The following SDK1 variants were observed in gnomAD, a reference collection of about 807,000 sequenced individuals.
SDK1 encodes protein sidekick-1.
SDK1 carries 157 observed loss-of-function variants against 245.5 expected under a neutral mutation model. That is an observed-to-expected ratio of 0.64 (90% CI 0.56 to 0.73). The LOEUF is 0.73. Among genes scored for constraint, SDK1 ranks in the 30% least tolerant of loss-of-function variants. SDK1 has a pLI of 0.00. For synonymous variants in SDK1, 1,647 were observed against 1,278.5 expected, an observed-to-expected ratio of 1.29 and a Z score of -6.15; for missense variants, 3,583 against 3,002.3, an observed-to-expected ratio of 1.19 and a Z score of -4.52.
At chr7:4,177,935 A>G (rs1782324299) in intron 34 of SDK1, among the ~76,000 whole-genome samples, 1 of 152,094 alleles carries the variant, frequency 6.6e-6, no homozygotes, top group Non-Finnish European at 1.5e-5. Flanking sequence ...CCCTATTGGG[A>G]ACAGCACGTG....
intron 1 of SDK1, among the ~76,000 whole-genome samples, chr7:3,417,610 C>T (rs986874044): frequency 1.1e-4 from 16 of 152,172 alleles, no homozygotes; most frequent in Non-Finnish European, 1.2e-4. Flanking sequence ...CTCTGTGTTT[C>T]CCTTTTGTAA....
At chr7:3,566,720 CAAAAAAA>C (rs908670320) in intron 1 of SDK1, among the ~76,000 whole-genome samples, 3 of 72,598 alleles carry the variant, frequency 4.1e-5, no homozygotes, top group Non-Finnish European at 9.0e-5. Context: ...AAACTACTGC[CAAAAAAA>C]AAAAAAAAAA....
chr7:3,615,398 A>T (rs1242988213), intron 1 of SDK1, among the ~76,000 whole-genome samples: 1 of 151,696 alleles, frequency 6.6e-6, no homozygotes, highest in Non-Finnish European at 1.5e-5. Flanking sequence ...GTTGATATAC[A>T]GCTTAACGCA....
chr7:3,502,547 C>G (rs753242167), intron 1 of SDK1, among the ~76,000 whole-genome samples: 18 of 152,216 alleles, frequency 1.2e-4, no homozygotes, highest in Non-Finnish European at 2.6e-4. Flanking sequence ...CCATTCCCAG[C>G]CAGGATGATT....
chr7:3,926,560 C>T (rs1779776778), intron 5 of SDK1, among the ~76,000 whole-genome samples: 1 of 152,012 alleles, frequency 6.6e-6, no homozygotes, highest in Admixed American at 6.6e-5. Context: ...TCTTTGGGCG[C>T]AGGTGATCCT....
Position 4,114,093 on chromosome 7 carries a change from G to A in SDK1, c.3642G>A (p.Lys1214=). 1 of 1,614,244 alleles carries A rather than the reference G, an allele frequency of 6.2e-7. No homozygotes were observed. Residue 1214 remains lysine (K), a synonymous_variant, in exon 25 of 45, where the codon AAG becomes AAA. Transcript: ENST00000404826. ...GNPESVGYRI[K]YWRSDLQSSA... is the part of the protein sequence containing the mutation. The stretch of plus-strand genomic sequence containing the variant: ...CCGAGTCCGTGGGCTACAGGATTAA[G>A]TACTGGCGCTCAGACCTCCAGTCCT...
intron 1 of SDK1, among the ~76,000 whole-genome samples, chr7:3,313,874 A>G (rs1255697329): frequency 1.3e-5 from 2 of 152,252 alleles, no homozygotes; most frequent in Non-Finnish European, 2.9e-5. Context: ...CCATTTCACA[A>G]TATATATGTG....
chr7:3,903,860 C>A (rs1781875172), intron 5 of SDK1, among the ~76,000 whole-genome samples: 1 of 152,026 alleles, frequency 6.6e-6, no homozygotes, highest in Non-Finnish European at 1.5e-5. Context: ...GAGTTCTTGC[C>A]CTATTGGTTC....
At chr7:4,177,567 A>C (rs190687183) in intron 34 of SDK1, among the ~76,000 whole-genome samples, 2 of 152,252 alleles carry the variant, frequency 1.3e-5, no homozygotes, top group Non-Finnish European at 2.9e-5. Context: ...CTATCTGTTC[A>C]TAATTTCAAG....
intron 4 of SDK1, among the ~76,000 whole-genome samples, chr7:3,675,929 T>C (rs1783878989): frequency 6.6e-6 from 1 of 152,198 alleles, no homozygotes; most frequent in Non-Finnish European, 1.5e-5. Context: ...TCCTTATATG[T>C]TCTGAATATT....
At chr7:3,875,976 C>T (rs972699222) in intron 5 of SDK1, among the ~76,000 whole-genome samples, 3 of 152,324 alleles carry the variant, frequency 2.0e-5, no homozygotes, top group African/African-American at 7.2e-5. Flanking sequence ...AAGTCTAAGA[C>T]ACTGTTTCTC....
At chr7:3,877,334 G>C (rs145499075) in intron 5 of SDK1, among the ~76,000 whole-genome samples, 1 of 152,310 alleles carries the variant, frequency 6.6e-6, no homozygotes, top group Non-Finnish European at 1.5e-5. Flanking sequence ...TCAACTGAGG[G>C]ACCAACTGAG....
chr7:3,592,884 A>G (rs1319700922), intron 1 of SDK1, among the ~76,000 whole-genome samples: 1 of 152,218 alleles, frequency 6.6e-6, no homozygotes, highest in Non-Finnish European at 1.5e-5. Context: ...TTAATATGTG[A>G]AAGTGAAAAC....
chr7:4,113,666 G>T (rs984532660), intron 24 of SDK1, among the ~76,000 whole-genome samples: 2 of 152,174 alleles, frequency 1.3e-5, no homozygotes, highest in Non-Finnish European at 2.9e-5. Flanking sequence ...TGGAACTGAG[G>T]AATATTCCTT....
chr7:3,944,860 G>T (rs1186502972), intron 5 of SDK1, among the ~76,000 whole-genome samples: 2 of 152,204 alleles, frequency 1.3e-5, no homozygotes, highest in African/African-American at 2.4e-5. Flanking sequence ...ACAACCACCT[G>T]GGGAGAGGGC....
chr7:3,955,076 C>T (rs1781150751), intron 7 of SDK1, among the ~76,000 whole-genome samples: 1 of 152,186 alleles, frequency 6.6e-6, no homozygotes, highest in South Asian at 2.1e-4. Context: ...CTCCTCATCA[C>T]ACACGAAGCC....
At chr7:3,900,023 G>T (rs150644014) in intron 5 of SDK1, among the ~76,000 whole-genome samples, 1 of 152,278 alleles carries the variant, frequency 6.6e-6, no homozygotes, top group Non-Finnish European at 1.5e-5. Context: ...AGCTGTAATC[G>T]GATACCAGTG....
intron 5 of SDK1, among the ~76,000 whole-genome samples, chr7:3,920,332 G>C (rs1007170036): frequency 1.3e-5 from 2 of 152,200 alleles, no homozygotes; most frequent in Non-Finnish European, 2.9e-5. Context: ...TTGCAGGTGA[G>C]ATGTCATTAG....
chr7:3,411,812 G>T (rs1779215667), intron 1 of SDK1, among the ~76,000 whole-genome samples: 1 of 151,986 alleles, frequency 6.6e-6, no homozygotes, highest in African/African-American at 2.4e-5. Context: ...AGTTTAATTT[G>T]TTTAATGTCT....
Sources: allele counts gnomAD v4.1 joint callset (sites outside exome capture counted in the v4.1 genomes callset), GRCh38; gene constraint gnomAD v4.1.1; transcripts MANE v1.5; gene names NCBI Gene and HGNC (gene_info 2026-07-23, HGNC 2026-07-21).